GNAI2: variants seen among roughly 807,000 people sequenced by gnomAD.
GNAI2 encodes guanine nucleotide-binding protein G(i) subunit alpha-2.
A neutral mutation model predicts 36.8 loss-of-function variants in GNAI2; 4 were observed. The ratio of observed to expected loss-of-function variants is 0.11; its 90% CI spans 0.05 to 0.25. The LOEUF is 0.25. GNAI2 is among the 10% of genes least tolerant of loss of function. The pLI, the probability that GNAI2 is intolerant of heterozygous loss-of-function variation, is 1.00. For missense variants in GNAI2, 230 were observed against 481.3 expected, an observed-to-expected ratio of 0.48 and a Z score of 4.89; for synonymous variants, 194 against 194.1, an observed-to-expected ratio of 1.00 and a Z score of 0.01.
At chr3:50,251,779 C>T in intron 1 of GNAI2, 1 of 1,309,360 alleles carries the variant, frequency 7.6e-7, no homozygotes, top group Non-Finnish European at 9.9e-7. Context: ...CAGGGTGGCT[C>T]CTTCATGGCT....
intron 5 of GNAI2, 111 bp from the exon 6 acceptor site, chr3:50,256,612 T>C: frequency 8.5e-7 from 1 of 1,171,194 alleles, no homozygotes; most frequent in African/African-American, 1.5e-5. Context: ...TTCCAGAAGG[T>C]AGCTGCCCTA....
chr3:50,254,010 C>A (rs375823573), intron 4 of GNAI2, among the ~76,000 whole-genome samples: 30 of 151,934 alleles, frequency 2.0e-4, no homozygotes, highest in East Asian at 7.7e-4. Flanking sequence ...GAGGGGGCCA[C>A]AGGGGAGGAA....
chr3:50,227,975 G>C (rs587746661), upstream of GNAI2, among the ~76,000 whole-genome samples: 289 of 152,282 alleles, frequency 1.9e-3, 1 homozygote, highest in African/African-American at 6.6e-3. The surrounding 1 kb of genome is among the most constrained non-coding windows in gnomAD (Gnocchi z 5.9). Context: ...GACATTGGGA[G>C]CCCCTTTAGA....
chr3:50,251,850 TGTG>T (rs1700565368), intron 1 of GNAI2: 1 of 1,223,050 alleles, frequency 8.2e-7, no homozygotes, highest in African/African-American at 1.5e-5. Flanking sequence ...CAGCAGAGCT[TGTG>T]GGAGGCAAAG....
chr3:50,258,625 T>C lies in GNAI2; in HGVS notation c.*282T>C, dbSNP rs1264137733. The C allele has an allele frequency of 6.6e-6, 2 of 305,048 alleles. No individual in the cohort carries two copies. Among genetic ancestry groups the C allele is most frequent in the Non-Finnish European group, 1.3e-5 (2 of 156,130 alleles). 18.9% of individuals were successfully genotyped at this position (305,048 alleles called of 1,614,324 possible). On this transcript the variant is annotated 3_prime_UTR_variant, in exon 9 of 9. Transcript: ENST00000313601. ...CTGGTTTTTAACCATTGTCTTGTTCTGTGATGAGGGGAGGGGGGCACATGC... is the reference window on the plus strand; with the variant it reads ...CTGGTTTTTAACCATTGTCTTGTTCCGTGATGAGGGGAGGGGGGCACATGC...
upstream of GNAI2, chr3:50,227,484 G>A (rs1359179492): frequency 2.3e-5 from 6 of 260,250 alleles, no homozygotes; most frequent in Non-Finnish European, 4.4e-5. This position sits in a 1 kb window ranked among gnomAD's most constrained non-coding sequence, Gnocchi z 5.9. Flanking sequence ...CTCCCGCGCC[G>A]CACCCCAGGC....
chr3:50,236,985 G>A lies in GNAI2; in HGVS notation c.118+532G>A, dbSNP rs1312177293. Among the ~76,000 whole-genome samples, 1 of 152,088 alleles carries A rather than the reference G, an allele frequency of 6.6e-6. No individual in the cohort carries two copies. The highest frequency in any genetic ancestry group is 1.5e-5 in the Non-Finnish European group (1 of 68,042). On this transcript the variant is annotated intron_variant, in intron 1 of 8. Transcript: ENST00000313601. This position sits in a 1 kb window ranked among gnomAD's most constrained non-coding sequence, Gnocchi z 4.0. Reference sequence around the variant, plus strand: ...CTCCACCTGTGCACTCTGACCCAAGGAACCTCTCGAGTGGGAAACTGCTCT... The same window carrying A: ...CTCCACCTGTGCACTCTGACCCAAGAAACCTCTCGAGTGGGAAACTGCTCT...
In GNAI2 at chr3:50,252,406, C is replaced by T. The variant is rs138495790; in HGVS notation, c.171C>T (p.His57=). ...GGTCCCTGGCTATCAGGATCATCCA[C>T]GAGGATGGCTACTCCGAGGAGGAAT... The part of the protein sequence containing the change: ...STIVKQMKII[H]EDGYSEEECR... The change falls in exon 3 of 9, where the codon CAC becomes CAT. Residue 57 remains histidine (H), a synonymous_variant. Transcript: ENST00000313601. The surrounding 1 kb of genome is among the most constrained non-coding windows in gnomAD (Gnocchi z 4.1). The T allele has an allele frequency of 1.1e-4, 181 of 1,613,604 alleles. No individual in the cohort carries two copies. Among genetic ancestry groups the T allele is most frequent in the Middle Eastern group, 4.9e-4 (3 of 6,084 alleles).
In GNAI2 at chr3:50,236,678, C is replaced by T. The variant is rs1553700439; in HGVS notation, c.118+225C>T. 6.6e-6 allele frequency among the ~76,000 whole-genome samples: 1 copy of T among 152,042 alleles called. No homozygotes were observed. The highest frequency in any genetic ancestry group is 1.5e-5 in the Non-Finnish European group (1 of 68,012). ...ATCCCAGACCCCAGACCTCCAAATC[C>T]AGTCAACAGTGCCCCAACACCCGCG... On this transcript the variant is annotated intron_variant, in intron 1 of 8. Coordinates refer to ENST00000313601, the MANE Select transcript of GNAI2 (RefSeq NM_002070.4). This position sits in a 1 kb window ranked among gnomAD's most constrained non-coding sequence, Gnocchi z 4.0.
chr3:50,248,530 T>G (rs1185954695), intron 1 of GNAI2, among the ~76,000 whole-genome samples: 1 of 151,680 alleles, frequency 6.6e-6, no homozygotes, highest in African/African-American at 2.4e-5. Flanking sequence ...CCTGTCCCCC[T>G]TCTCTGCTGG....
At chr3:50,243,017 G>A (rs1553701302) in intron 1 of GNAI2, among the ~76,000 whole-genome samples, 1 of 152,260 alleles carries the variant, frequency 6.6e-6, no homozygotes, top group African/African-American at 2.4e-5. Flanking sequence ...AAGCAGCTGG[G>A]GGAGGAGGAG....
rs1310386352 is a variant in GNAI2 at position 50,256,713 on chromosome 3, A to G, written c.594-10A>G. The G allele has an allele frequency of 5.6e-6, 9 of 1,613,810 alleles. No homozygotes were observed. The African/African-American group carries it at 1.1e-4, about 19-fold the overall frequency. Reference sequence around the variant, plus strand: ...TCCCTTCCTGGAACTAAGGTGATCTATATCTGCAGGATGTTTGATGTGGGT... The same window carrying G: ...TCCCTTCCTGGAACTAAGGTGATCTGTATCTGCAGGATGTTTGATGTGGGT... On this transcript the variant is annotated splice_polypyrimidine_tract_variant and intron_variant, in intron 5 of 8. Transcript: ENST00000313601.
At chr3:50,235,667 T>C (rs1416647467), upstream of GNAI2, among the ~76,000 whole-genome samples, 1 of 152,064 alleles carries the variant, frequency 6.6e-6, no homozygotes, top group Non-Finnish European at 1.5e-5. Context: ...GAGAAGGCGG[T>C]AAACCCGCCT....
chr3:50,245,992 C>A (rs1553701713), intron 1 of GNAI2, among the ~76,000 whole-genome samples: 1 of 152,196 alleles, frequency 6.6e-6, no homozygotes, highest in African/African-American at 2.4e-5. Context: ...GTTATAGGGC[C>A]ATGCCACACA....
At chr3:50,246,103 G>A (rs587701313) in intron 1 of GNAI2, among the ~76,000 whole-genome samples, 12 of 152,358 alleles carry the variant, frequency 7.9e-5, no homozygotes, top group South Asian at 6.2e-4. Flanking sequence ...GGGGGGCCGG[G>A]GAGCAGCACC....
chr3:50,257,830 T>G, intron 8 of GNAI2, 116 bp downstream of exon 8: 2 of 572,598 alleles, frequency 3.5e-6, no homozygotes, highest in Non-Finnish European at 3.1e-6. Flanking sequence ...GGGCAATAGG[T>G]GACCAGGGGA....
intron 4 of GNAI2, 148 bp from the exon 5 acceptor site, chr3:50,256,044 C>CA (rs1170893603): frequency 0.044 from 6,257 of 142,180 alleles, 80 homozygotes; most frequent in South Asian, 0.052. Flanking sequence ...CACTCTGTCT[C>CA]AAAAAAAAAA....
In GNAI2 at chr3:50,255,387, C is replaced by A. The variant is rs1013880455; in HGVS notation, c.465-805C>A. 1.3e-5 allele frequency among the ~76,000 whole-genome samples: 2 copies of A among 152,232 alleles called. No individual in the cohort carries two copies. The highest frequency in any genetic ancestry group is 2.9e-5 in the Non-Finnish European group (2 of 68,038). ...GTGTCTGTGCCCTCCCCCTGAGGAA[C>A]CCAGATTTCATTGGGCGCTGGGCAA... On this transcript the variant is annotated intron_variant, in intron 4 of 8. Coordinates refer to ENST00000313601, the MANE Select transcript of GNAI2 (RefSeq NM_002070.4). This position sits in a 1 kb window ranked among gnomAD's most constrained non-coding sequence, Gnocchi z 4.0.
chr3:50,235,962 C>G (rs1168806208), upstream of GNAI2: 1 of 156,138 alleles, frequency 6.4e-6, no homozygotes, highest in Non-Finnish European at 1.4e-5. Context: ...AGTGCCGGGT[C>G]CCGGGGTTTG....
Sources: gnomAD v4.1 joint callset for allele counts (sites outside exome capture counted in the v4.1 genomes callset) on GRCh38, gnomAD v4.1.1 for gene constraint, Gnocchi (gnomAD v3.1) non-coding constraint, MANE v1.5 for transcripts, NCBI Gene and HGNC (gene_info 2026-07-23, HGNC 2026-07-21) for gene names.